MYLK: variants seen among roughly 807,000 people sequenced by gnomAD.
MYLK encodes the protein myosin light chain kinase.
Under a neutral mutation model 203.4 loss-of-function variants are expected in MYLK, and 106 were observed. The observed-to-expected ratio is 0.52, with a 90% CI of 0.45 to 0.61. MYLK has a LOEUF of 0.61. Ranked by LOEUF, MYLK falls within the 20% of genes least tolerant of loss-of-function variation. The pLI is 0.00. For missense variants in MYLK, 2,072 were observed against 2,442.3 expected (o/e 0.85, Z 3.20); for synonymous variants, 867 against 959.5 (o/e 0.90, Z 1.78).
At chr3:123,773,063 ATGTT>A (rs2063939537) in intron 4 of MYLK, among the ~76,000 whole-genome samples, 1 of 152,048 alleles carries the variant, frequency 6.6e-6, no homozygotes, top group Non-Finnish European at 1.5e-5. Flanking sequence ...GAAGATGTTT[ATGTT>A]TATTTAAAAG....
At chr3:123,769,465 A>G (rs1275803216) in intron 4 of MYLK, among the ~76,000 whole-genome samples, 2 of 152,230 alleles carry the variant, frequency 1.3e-5, no homozygotes, top group Non-Finnish European at 2.9e-5. Flanking sequence ...CATTACACCT[A>G]TTCTGAACTT....
Position 123,657,419 on chromosome 3 carries a change from T to A in MYLK, c.3995A>T (p.Asp1332Val), listed in dbSNP as rs1168067649. 1.2e-6 allele frequency: 2 copies of A among 1,613,060 alleles called. No individual in the cohort carries two copies. The highest frequency in any genetic ancestry group is 1.7e-6 in the Non-Finnish European group (2 of 1,179,960). ...QVNLTVVDKPDPPAGTPCASD... is the reference protein window; with the variant it reads ...QVNLTVVDKPVPPAGTPCASD... ...GGCACAAGGTGTGCCAGCTGGGGGG[T>A]CTGGCTTATCTGGGGATAAAGAAGC... The change falls in exon 24 of 34, where the codon GAC (aspartate) becomes GTC (valine). Residue 1332 changes from aspartate to valine, a missense_variant. Asp to Val is a radical substitution (Grantham distance 152). Coordinates refer to ENST00000360304, the MANE Select transcript of MYLK (RefSeq NM_053025.4).
At chr3:123,670,249 G>A (rs2059873320) in intron 20 of MYLK, among the ~76,000 whole-genome samples, 1 of 152,120 alleles carries the variant, frequency 6.6e-6, no homozygotes, top group African/African-American at 2.4e-5. Context: ...AACACTGTTG[G>A]TGGAGGAGAT....
At chr3:123,752,620 A>G (rs889278192) in intron 4 of MYLK, 82 bp from the exon 5 acceptor site, 3 of 1,306,062 alleles carry the variant, frequency 2.3e-6, no homozygotes, top group Admixed American at 2.0e-5. Context: ...AGTGCTTTAC[A>G]TGTGTTAACT....
intron 2 of MYLK, among the ~76,000 whole-genome samples, chr3:123,849,968 C>T (rs1462333503): frequency 6.6e-6 from 1 of 152,118 alleles, no homozygotes; most frequent in East Asian, 1.9e-4. Context: ...TGTTCAATTC[C>T]CACCTATGAG....
chr3:123,749,816 AT>A (rs2063140604), intron 5 of MYLK, among the ~76,000 whole-genome samples: 1 of 152,250 alleles, frequency 6.6e-6, no homozygotes, highest in African/African-American at 2.4e-5. Context: ...TAGAGCTAAA[AT>A]TCAATCCAAG....
rs570532295 is a variant in MYLK at position 123,657,507 on chromosome 3, G to C, written c.3986-79C>G. 198 of 1,452,752 alleles carry C rather than the reference G, an allele frequency of 1.4e-4. No homozygotes were observed. In the Middle Eastern group the frequency reaches 1.7e-3, roughly 12 times the overall value. 90.0% of individuals were successfully genotyped at this position (1,452,752 alleles called of 1,614,324 possible). On this transcript the variant is annotated intron_variant, in intron 23 of 33. Transcript: ENST00000360304. ...GAAGTTTTTGAATTACCTGTGTCATGGGGGGAAGGCAGCCTAGAGAACCCA... is the reference window on the plus strand; with the variant it reads ...GAAGTTTTTGAATTACCTGTGTCATCGGGGGAAGGCAGCCTAGAGAACCCA...
chr3:123,777,128 C>G (rs1033976551), intron 4 of MYLK, among the ~76,000 whole-genome samples: 1 of 152,250 alleles, frequency 6.6e-6, no homozygotes, highest in East Asian at 1.9e-4. Context: ...GTGCTGTGGA[C>G]AGATCAGTGA....
At chr3:123,687,082 C>T (rs1324238545) in intron 19 of MYLK, among the ~76,000 whole-genome samples, 1 of 151,996 alleles carries the variant, frequency 6.6e-6, no homozygotes, top group Admixed American at 6.5e-5. Flanking sequence ...ATTAGCTGGG[C>T]GTGTTGGCGG....
intron 32 of MYLK, 42 bp downstream of exon 32, chr3:123,620,165 C>A (rs759542748): frequency 2.0e-5 from 31 of 1,562,464 alleles, no homozygotes; most frequent in Non-Finnish European, 2.6e-5. Context: ...TGTTCCCCAG[C>A]CCTTTCTTTC....
chr3:123,837,876 G>T (rs1190018989), intron 2 of MYLK, among the ~76,000 whole-genome samples: 1 of 151,066 alleles, frequency 6.6e-6, no homozygotes, highest in African/African-American at 2.4e-5. Flanking sequence ...AAAACACAAA[G>T]AAATAAAAGA....
intron 2 of MYLK, among the ~76,000 whole-genome samples, chr3:123,863,724 T>C (rs1049372188): frequency 1.3e-5 from 2 of 152,168 alleles, no homozygotes; most frequent in African/African-American, 4.8e-5. Flanking sequence ...TTGATGACGA[T>C]GTGAAGCAAC....
intron 33 of MYLK, chr3:123,617,182 A>G (rs1389203832): frequency 1.3e-5 from 2 of 152,212 alleles, no homozygotes; most frequent in African/African-American, 4.8e-5. Context: ...TTCTCATCAG[A>G]GCCCCAGGCA....
At chr3:123,701,621 C>G (rs1252643587) in intron 16 of MYLK, 112 bp from the exon 17 acceptor site, 3 of 1,042,162 alleles carry the variant, frequency 2.9e-6, no homozygotes, top group African/African-American at 1.6e-5. Flanking sequence ...AAGTCGCCGG[C>G]TTGACTGAGA....
intron 5 of MYLK, among the ~76,000 whole-genome samples, chr3:123,746,666 T>A (rs979674729): frequency 4.6e-5 from 7 of 152,218 alleles, no homozygotes; most frequent in African/African-American, 1.7e-4. Flanking sequence ...GCAAAGGCAG[T>A]CTTGAACACA....
chr3:123,620,418 C>T, intron 31 of MYLK, 82 bp from the exon 32 acceptor site: 2 of 1,604,734 alleles, frequency 1.2e-6, no homozygotes, highest in Non-Finnish European at 1.7e-6. Flanking sequence ...GGGAGTAGAG[C>T]CCAGCCCCAG....
In MYLK at chr3:123,613,933, A is replaced by G. The variant is rs1052696352; in HGVS notation, c.*172T>C. ...AACTAACATAGATTAATGCCCATCAATAACGCTGCTAGGTATCAACTGCTG... is the reference window on the plus strand; with the variant it reads ...AACTAACATAGATTAATGCCCATCAGTAACGCTGCTAGGTATCAACTGCTG... On this transcript the variant is annotated 3_prime_UTR_variant, in exon 34 of 34. Transcript: ENST00000360304. The G allele has an allele frequency of 6.8e-6, 5 of 731,372 alleles. No homozygotes were observed. The highest frequency in any genetic ancestry group is 2.4e-5 in the Admixed American group (1 of 40,950). 45.3% of individuals were successfully genotyped at this position (731,372 alleles called of 1,614,324 possible).
intron 3 of MYLK, among the ~76,000 whole-genome samples, chr3:123,801,950 G>GA (rs528378250): frequency 7.2e-4 from 110 of 152,204 alleles, no homozygotes; most frequent in Non-Finnish European, 1.5e-3. Context: ...ACCCAGTAAT[G>GA]AGATTGCTGG....
chr3:123,840,716 G>C (rs2148646691), intron 2 of MYLK, among the ~76,000 whole-genome samples: 1 of 151,962 alleles, frequency 6.6e-6, no homozygotes, highest in South Asian at 2.1e-4. Context: ...TTATTATTCT[G>C]TGTGGTTTAT....
Sources: allele counts gnomAD v4.1 joint callset (sites outside exome capture counted in the v4.1 genomes callset), GRCh38; gene constraint gnomAD v4.1.1; transcripts MANE v1.5; gene names NCBI Gene and HGNC (gene_info 2026-07-23, HGNC 2026-07-21).